The following PRICKLE2 variants were observed in gnomAD, a reference collection of about 807,000 sequenced individuals.
PRICKLE2 encodes the protein prickle planar cell polarity protein 2.
Under a neutral mutation model 81.4 loss-of-function variants are expected in PRICKLE2, and 21 were observed. The ratio of observed to expected loss-of-function variants is 0.26; its 90% CI spans 0.18 to 0.37. The LOEUF is 0.37. PRICKLE2 is among the 10% of genes least tolerant of loss of function. The probability of loss-of-function intolerance (pLI) is 1.00; values close to 1 mark genes in which losing one functional copy is unlikely to be tolerated. For synonymous variants in PRICKLE2, 456 were observed against 421.5 expected, an observed-to-expected ratio of 1.08 and a Z score of -1.00; for missense variants, 940 against 1,109.0, an observed-to-expected ratio of 0.85 and a Z score of 2.16.
chr3:64,158,277 A>G (rs922166686), intron 4 of PRICKLE2, among the ~76,000 whole-genome samples: 3 of 152,218 alleles, frequency 2.0e-5, no homozygotes, highest in African/African-American at 4.8e-5. Context: ...TTCCCATGCT[A>G]TGCGTTGAAA....
At chr3:64,191,593 T>A (rs1400467418) in intron 2 of PRICKLE2, among the ~76,000 whole-genome samples, 1 of 152,206 alleles carries the variant, frequency 6.6e-6, no homozygotes, top group Non-Finnish European at 1.5e-5. Context: ...TACTAAATAA[T>A]GTTGGTTGAG....
intron 2 of PRICKLE2, among the ~76,000 whole-genome samples, chr3:64,249,964 CT>C (rs2079421836): frequency 6.6e-6 from 1 of 152,206 alleles, no homozygotes; most frequent in African/African-American, 2.4e-5. Context: ...TTGACAGAAG[CT>C]TAATGACGTG....
At chr3:64,177,082 T>A (rs1264007409) in intron 2 of PRICKLE2, among the ~76,000 whole-genome samples, 1 of 151,952 alleles carries the variant, frequency 6.6e-6, no homozygotes. Context: ...TTAATTAAAA[T>A]TTTTTATTGT....
intron 1 of PRICKLE2, chr3:64,199,317 T>A (rs999283535): frequency 1.0e-5 from 4 of 392,080 alleles, no homozygotes; most frequent in African/African-American, 8.0e-5. Context: ...CACAATTTCC[T>A]TGACTGCAAT....
chr3:64,164,530 G>T (rs184452), intron 2 of PRICKLE2, among the ~76,000 whole-genome samples: 81,338 of 151,860 alleles, frequency 0.54, 22,347 homozygotes, highest in East Asian at 0.74. Flanking sequence ...AGAAGAGGGG[G>T]TGAAAAGGCT....
chr3:64,114,268 A>G (rs1342845168), intron 7 of PRICKLE2, among the ~76,000 whole-genome samples: 7 of 152,182 alleles, frequency 4.6e-5, no homozygotes, highest in Admixed American at 4.6e-4. Flanking sequence ...CAAATTTGAG[A>G]AAGAATCAGG....
At chr3:64,169,469 T>C (rs1200177652) in intron 2 of PRICKLE2, among the ~76,000 whole-genome samples, 1 of 152,202 alleles carries the variant, frequency 6.6e-6, no homozygotes, top group African/African-American at 2.4e-5. Flanking sequence ...AATTCCTAAA[T>C]GATACAGCAG....
chr3:64,161,232 G>A (rs1197866835), intron 3 of PRICKLE2, among the ~76,000 whole-genome samples: 1 of 152,120 alleles, frequency 6.6e-6, no homozygotes, highest in African/African-American at 2.4e-5. Context: ...CTCTCAATAT[G>A]TGGTTTCGTT....
intron 2 of PRICKLE2, among the ~76,000 whole-genome samples, chr3:64,245,141 A>G (rs1476601227): frequency 6.6e-6 from 1 of 152,234 alleles, no homozygotes; most frequent in African/African-American, 2.4e-5. Context: ...GGATAATGCT[A>G]GAATTTTTTT....
At chr3:64,242,455 A>G (rs764900785) in intron 2 of PRICKLE2, among the ~76,000 whole-genome samples, 3 of 152,260 alleles carry the variant, frequency 2.0e-5, no homozygotes, top group Non-Finnish European at 4.4e-5. Flanking sequence ...GGTATTTTAA[A>G]AGAAAATACA....
chr3:64,218,442 G>A (rs1410267401), intron 1 of PRICKLE2, among the ~76,000 whole-genome samples: 1 of 152,196 alleles, frequency 6.6e-6, no homozygotes, highest in Admixed American at 6.5e-5. Context: ...CGGTTCCAGA[G>A]TCAGGTGATA....
At chr3:64,220,866 C>G (rs1444988872) in intron 1 of PRICKLE2, among the ~76,000 whole-genome samples, 2 of 152,128 alleles carry the variant, frequency 1.3e-5, no homozygotes, top group Non-Finnish European at 2.9e-5. Context: ...AAGTTTACCC[C>G]CTACACCCAC....
chr3:64,117,535 C>T, intron 7 of PRICKLE2, among the ~76,000 whole-genome samples: 1 of 152,160 alleles, frequency 6.6e-6, no homozygotes, highest in East Asian at 1.9e-4. Flanking sequence ...GGAAAAATCA[C>T]TAGCATTCCT....
intron 2 of PRICKLE2, among the ~76,000 whole-genome samples, chr3:64,171,825 T>C (rs139273551): frequency 9.7e-4 from 147 of 152,308 alleles, no homozygotes; most frequent in Admixed American, 1.8e-3. Flanking sequence ...TGGGTGGAGA[T>C]GCTAAGTAAA....
intron 7 of PRICKLE2, among the ~76,000 whole-genome samples, chr3:64,133,010 G>C (rs572797352): frequency 3.3e-5 from 5 of 152,172 alleles, no homozygotes; most frequent in Non-Finnish European, 7.3e-5. Context: ...AACCCACTAA[G>C]AGGATTCAAA....
chr3:64,153,079 A>C, intron 6 of PRICKLE2, 103 bp downstream of exon 6: 1 of 1,074,948 alleles, frequency 9.3e-7, no homozygotes, highest in Non-Finnish European at 1.4e-6. Context: ...AGTTAGCATG[A>C]GTTGGGTTTC....
At position 64,225,323 on chromosome 3, in the gene PRICKLE2, G is replaced by A. The variant is rs2079016360; in HGVS notation, c.-454C>T. ...CATAGACTCCAGCCCAGCGTCACCA[G>A]CTGATCCTGAGCCAGACCCGGGGTG... On this transcript the variant is annotated 5_prime_UTR_variant, in exon 1 of 8. Transcript: ENST00000638394. The A allele has an allele frequency of 1.0e-6, 1 of 985,410 alleles. No homozygotes were observed. Among genetic ancestry groups the A allele is most frequent in the Non-Finnish European group, 1.2e-6 (1 of 829,972 alleles). The allele number at this position is 985,410 out of a possible 1,614,324, so 61.0% of individuals were successfully genotyped here.
chr3:64,161,579 C>A (rs1208939192), intron 3 of PRICKLE2, among the ~76,000 whole-genome samples: 1 of 152,190 alleles, frequency 6.6e-6, no homozygotes, highest in African/African-American at 2.4e-5. Context: ...CTGGGTCACA[C>A]ACACACAATT....
At chr3:64,190,640 T>G (rs939283276) in intron 2 of PRICKLE2, among the ~76,000 whole-genome samples, 2 of 152,196 alleles carry the variant, frequency 1.3e-5, no homozygotes, top group African/African-American at 4.8e-5. Flanking sequence ...TAGCATGCTC[T>G]CTGATTTATT....
Sources: allele counts gnomAD v4.1 joint callset (sites outside exome capture counted in the v4.1 genomes callset), GRCh38; gene constraint gnomAD v4.1.1; transcripts MANE v1.5; gene names NCBI Gene and HGNC (gene_info 2026-07-23, HGNC 2026-07-21).